FAM13C: variants seen among roughly 807,000 people sequenced by gnomAD.
The protein encoded by FAM13C is protein FAM13C.
A neutral mutation model predicts 73.2 loss-of-function variants in FAM13C; 37 were observed. The observed-to-expected ratio is 0.51, with a 90% CI of 0.39 to 0.67. FAM13C has a LOEUF of 0.67. FAM13C is among the 30% of genes least tolerant of loss of function. The pLI, the probability that FAM13C is intolerant of heterozygous loss-of-function variation, is 0.00. For synonymous variants in FAM13C, 246 were observed against 260.9 expected, an observed-to-expected ratio of 0.94 and a Z score of 0.55; for missense variants, 589 against 715.6, an observed-to-expected ratio of 0.82 and a Z score of 2.02.
Position 59,246,747 on chromosome 10 carries a change from T to G in FAM13C, c.*867A>C, listed in dbSNP as rs1840743235. 1 of 396,608 alleles carries G rather than the reference T, an allele frequency of 2.5e-6. No homozygotes were observed. Among genetic ancestry groups the G allele is most frequent in the African/African-American group, 2.1e-5 (1 of 48,576 alleles). 24.6% of individuals were successfully genotyped at this position (396,608 alleles called of 1,614,324 possible). A position where few individuals can be genotyped will look rare whatever the true frequency, so the allele number is the denominator to read the frequency against. The stretch of plus-strand genomic sequence containing the variant: ...TTTTGACTTTACAAAGTATAGATGT[T>G]GGAACATTAAGAAAAATGTATATTC... On this transcript the variant is annotated 3_prime_UTR_variant, in exon 14 of 14. Transcript: ENST00000618804.
chr10:59,293,601 TATTTTGTAAGAAAATAAGAAA>T (rs565859914), intron 5 of FAM13C, among the ~76,000 whole-genome samples: 1 of 152,356 alleles, frequency 6.6e-6, no homozygotes, highest in African/African-American at 2.4e-5. Context: ...CAAATACTAA[TATTTTGTAAGAAAATAAGAAA>T]ATTCAGCTCT....
chr10:59,280,612 C>G (rs1170658278), intron 6 of FAM13C, among the ~76,000 whole-genome samples: 1 of 152,176 alleles, frequency 6.6e-6, no homozygotes, highest in Non-Finnish European at 1.5e-5. Flanking sequence ...TCATCCTAGA[C>G]TGTCTAGAGA....
At chr10:59,361,004 AGCAAAG>A (rs1273695388) in intron 1 of FAM13C, 1 of 1,288,676 alleles carries the variant, frequency 7.8e-7, no homozygotes, top group Non-Finnish European at 1.0e-6. Flanking sequence ...CTTTAAGCAC[AGCAAAG>A]GGAGGAGAGC....
chr10:59,362,313 G>C, intron 1 of FAM13C, 86 bp downstream of exon 1: 1 of 1,537,668 alleles, frequency 6.5e-7, no homozygotes, highest in Middle Eastern at 1.7e-4. Context: ...AACGAACAGC[G>C]GCTGGGAACG....
chr10:59,361,746 T>TA (rs1012523950), intron 1 of FAM13C, among the ~76,000 whole-genome samples: 14 of 152,112 alleles, frequency 9.2e-5, no homozygotes, highest in Non-Finnish European at 2.9e-5. Flanking sequence ...TAAATATCTT[T>TA]AAAAAAATAC....
chr10:59,330,859 G>C (rs1851876534), intron 3 of FAM13C, among the ~76,000 whole-genome samples: 1 of 152,134 alleles, frequency 6.6e-6, no homozygotes, highest in Non-Finnish European at 1.5e-5. Context: ...CTCCCTCATA[G>C]CACTAGTATC....
Position 59,317,736 on chromosome 10 carries a change from CT to C in FAM13C, c.443+6251del, listed in dbSNP as rs895147640. 2.6e-4 allele frequency among the ~76,000 whole-genome samples: 39 copies of C among 151,242 alleles called. No homozygotes were observed. The East Asian group carries it at 4.3e-3, about 17-fold the overall frequency. On this transcript the variant is annotated intron_variant, in intron 4 of 13. Coordinates refer to ENST00000618804, the MANE Select transcript of FAM13C (RefSeq NM_198215.4). Reference sequence around the variant, plus strand: ...GATCTGCTTGATGTAAATAGTGCTTCTTTTTTTTTCTTTTATTATTATTATA... The same window carrying C: ...GATCTGCTTGATGTAAATAGTGCTTCTTTTTTTTCTTTTATTATTATTATA...
chr10:59,346,142 A>C (rs1018946999), intron 3 of FAM13C, among the ~76,000 whole-genome samples: 2 of 151,880 alleles, frequency 1.3e-5, no homozygotes, highest in Non-Finnish European at 2.9e-5. Context: ...ATACATCAAG[A>C]AAAAAATGCA....
chr10:59,317,534 A>C (rs771152945), intron 4 of FAM13C, among the ~76,000 whole-genome samples: 5 of 152,172 alleles, frequency 3.3e-5, no homozygotes, highest in African/African-American at 4.8e-5. Context: ...ATTGTATGTT[A>C]GAATATTTGC....
At chr10:59,361,952 A>T (rs568414856) in intron 1 of FAM13C, among the ~76,000 whole-genome samples, 12 of 152,314 alleles carry the variant, frequency 7.9e-5, no homozygotes, top group African/African-American at 2.4e-4. Flanking sequence ...AAATCTGTAG[A>T]CAAGAGAGGG....
chr10:59,317,340 T>C (rs1421929370), intron 4 of FAM13C, among the ~76,000 whole-genome samples: 1 of 152,174 alleles, frequency 6.6e-6, no homozygotes, highest in Admixed American at 6.5e-5. Flanking sequence ...TTTAAATTTA[T>C]ACATTCTCTG....
intron 4 of FAM13C, among the ~76,000 whole-genome samples, chr10:59,312,961 C>A (rs1849101603): frequency 6.6e-6 from 1 of 152,188 alleles, no homozygotes; most frequent in South Asian, 2.1e-4. Context: ...TTCATCTGTT[C>A]AGCATTTTTC....
intron 3 of FAM13C, among the ~76,000 whole-genome samples, chr10:59,328,749 T>C (rs946240904): frequency 6.6e-6 from 1 of 152,258 alleles, no homozygotes; most frequent in African/African-American, 2.4e-5. Flanking sequence ...AAATTTTAAA[T>C]TAAATGGTTC....
intron 1 of FAM13C, among the ~76,000 whole-genome samples, chr10:59,356,912 C>T (rs1201593399): frequency 6.6e-6 from 1 of 152,200 alleles, no homozygotes; most frequent in African/African-American, 2.4e-5. Flanking sequence ...AACAGACTTG[C>T]TGAGCCATCT....
At chr10:59,316,610 T>G (rs1849559651) in intron 4 of FAM13C, among the ~76,000 whole-genome samples, 1 of 152,158 alleles carries the variant, frequency 6.6e-6, no homozygotes, top group Admixed American at 6.5e-5. Context: ...CTATATGGTA[T>G]AGTCTAATGT....
chr10:59,338,667 A>C (rs1349107248), intron 3 of FAM13C, among the ~76,000 whole-genome samples: 1 of 152,140 alleles, frequency 6.6e-6, no homozygotes, highest in Non-Finnish European at 1.5e-5. Context: ...AACCTGCCTC[A>C]GCTTCCCCAA....
At chr10:59,299,033 C>G (rs1009451324) in intron 5 of FAM13C, among the ~76,000 whole-genome samples, 15 of 152,056 alleles carry the variant, frequency 9.9e-5, no homozygotes, top group African/African-American at 3.6e-4. Context: ...AAGGATAAAT[C>G]AGTTCTGGTG....
At chr10:59,267,062 A>G (rs1843150865) in intron 8 of FAM13C, among the ~76,000 whole-genome samples, 1 of 152,204 alleles carries the variant, frequency 6.6e-6, no homozygotes, top group Non-Finnish European at 1.5e-5. Context: ...AAAGATAACA[A>G]GTCCAAAATC....
intron 10 of FAM13C, among the ~76,000 whole-genome samples, chr10:59,258,202 G>A (rs1387346834): frequency 6.6e-6 from 1 of 152,110 alleles, no homozygotes; most frequent in Non-Finnish European, 1.5e-5. Context: ...TATATACTGG[G>A]GCCAGGTATG....
Sources: gnomAD v4.1 joint callset for allele counts (sites outside exome capture counted in the v4.1 genomes callset) on GRCh38, gnomAD v4.1.1 for gene constraint, MANE v1.5 for transcripts, NCBI Gene and HGNC (gene_info 2026-07-23, HGNC 2026-07-21) for gene names.